Variants in LRP2 observed in about 807,000 individuals in gnomAD.
LRP2 encodes LDL receptor related protein 2.
In LRP2, 172 loss-of-function variants were observed where a neutral mutation model predicts 531.0. The ratio of observed to expected loss-of-function variants is 0.32; its 90% confidence interval spans 0.29 to 0.37. The LOEUF is 0.37. Ranked by LOEUF, LRP2 falls within the 10% of genes least tolerant of loss-of-function variation. The pLI is 1.00. For missense variants in LRP2, 5,167 were observed against 5,868.3 expected, an observed-to-expected ratio of 0.88 and a Z score of 3.90; for synonymous variants, 1,992 against 2,027.6, an observed-to-expected ratio of 0.98 and a Z score of 0.47.
At chr2:169,214,819 C>A (rs912300926) in intron 35 of LRP2, among the ~76,000 whole-genome samples, 3 of 152,172 alleles carry the variant, frequency 2.0e-5, no homozygotes, top group African/African-American at 7.2e-5. Context: ...TGAAAGCAGG[C>A]TTCACCACTG....
chr2:169,243,109 A>C, intron 23 of LRP2, 37 bp from the exon 24 acceptor site: 48 of 1,493,440 alleles, frequency 3.2e-5, no homozygotes, highest in African/African-American at 4.1e-5. Context: ...AAATTAGCTC[A>C]GGGCTAAAAT....
intron 54 of LRP2, 55 bp downstream of exon 54, chr2:169,176,356 C>A: frequency 6.2e-7 from 1 of 1,607,220 alleles, no homozygotes; most frequent in East Asian, 2.2e-5. Context: ...CCTTGAAGGT[C>A]AATGTCTGTC....
intron 71 of LRP2, among the ~76,000 whole-genome samples, chr2:169,141,183 G>A (rs982831460): frequency 6.6e-6 from 1 of 152,156 alleles, no homozygotes; most frequent in South Asian, 2.1e-4. Flanking sequence ...GGTTACATGT[G>A]TATATTATTT....
chr2:169,191,444 C>A (rs1687826054), intron 48 of LRP2, among the ~76,000 whole-genome samples: 1 of 152,170 alleles, frequency 6.6e-6, no homozygotes, highest in Admixed American at 6.5e-5. Context: ...TCTCCCTGGC[C>A]CTCTGTGCAA....
chr2:169,312,987 G>T (rs907045225), intron 3 of LRP2, among the ~76,000 whole-genome samples: 2 of 152,088 alleles, frequency 1.3e-5, no homozygotes, highest in African/African-American at 4.8e-5. Context: ...TATTCCAGTT[G>T]ATCGAAACGG....
Position 169,289,038 on chromosome 2 carries a change from G to A in LRP2, c.1030C>T (p.Arg344Cys), listed in dbSNP as rs780002886. The A allele has an allele frequency of 5.0e-6, 8 of 1,613,998 alleles. No homozygotes were observed. Among genetic ancestry groups the A allele is most frequent in the South Asian group, 2.2e-5 (2 of 91,074 alleles). Residue 344 changes from arginine to cysteine, a missense_variant, in exon 9 of 79, where the codon CGT becomes TGT. By Grantham distance (180) the Arg-to-Cys change is radical (BLOSUM62 -3). Around this residue, in one of 6 missense-constraint regions of LRP2, gnomAD observed 2,811 missense variants for 3,058.0 expected, o/e 0.92. Transcript: ENST00000649046. ...PGYIINHNDS[R>C]TCVEFDDCQI... The stretch of plus-strand genomic sequence containing the variant: ...CCCCATCACTTACCAACACAGGTAC[G>A]GCTGTCATTGTGGTTGATGATATAA...
At chr2:169,157,323 T>C in intron 64 of LRP2, 48 bp downstream of exon 64, 1 of 1,593,642 alleles carries the variant, frequency 6.3e-7, no homozygotes, top group Non-Finnish European at 8.6e-7. Context: ...GTGGAGAACC[T>C]TAGATGTAAA....
rs138382534 is a variant in LRP2 at position 169,201,780 on chromosome 2, C to T, written c.8300G>A (p.Gly2767Asp). 54 of 1,614,200 alleles carry T rather than the reference C, an allele frequency of 3.3e-5. No individual in the cohort carries two copies. The East Asian group carries it at 7.8e-4, about 23-fold the overall frequency. Residue 2767 changes from glycine to aspartate, a missense_variant, in exon 44 of 79, where the codon GGT becomes GAT. Coordinates refer to ENST00000649046, the MANE Select transcript of LRP2 (RefSeq NM_004525.3). ...GCACCCTGCCTCATCACTGCCATCA[C>T]CACAGTCATTGTAGTAATCACAGCG... ...SYRCDYYNDC[G>D]DGSDEAGCLF...
intron 13 of LRP2, among the ~76,000 whole-genome samples, chr2:169,276,676 A>G (rs1008398990): frequency 2.6e-5 from 4 of 152,188 alleles, no homozygotes; most frequent in Admixed American, 2.0e-4. Context: ...AGAGGAAACA[A>G]AACTATAATA....
chr2:169,164,704 T>C (rs1317542433), intron 62 of LRP2, among the ~76,000 whole-genome samples: 3 of 152,184 alleles, frequency 2.0e-5, no homozygotes, highest in African/African-American at 7.2e-5. Flanking sequence ...AAATGAACCT[T>C]TGCCATTTTA....
rs865907016 is a variant in LRP2, at chr2:169,161,119, G to A, written c.11887+1353C>T. Among the ~76,000 whole-genome samples the A allele has an allele frequency of 3.3e-5, 5 of 152,194 alleles. No individual in the cohort carries two copies. In the South Asian group the frequency reaches 6.2e-4, roughly 19 times the overall value. ...CCAAAGACTGGAGAGGTCAGTATGT[G>A]CCCAAAGTGGCACAGCTAGTGGCAG... On this transcript the variant is annotated intron_variant, in intron 63 of 78. Coordinates refer to ENST00000649046, the MANE Select transcript of LRP2 (RefSeq NM_004525.3).
rs1688613149 is a variant in LRP2 at position 169,212,058 on chromosome 2, A to T, written c.6190T>A (p.Phe2064Ile). The T allele has an allele frequency of 1.2e-6, 2 of 1,613,932 alleles. No homozygotes were observed. The highest frequency in any genetic ancestry group is 1.7e-6 in the Non-Finnish European group (2 of 1,179,948). Residue 2064 changes from phenylalanine to isoleucine, a missense_variant, in exon 37 of 79, where the codon TTC (phenylalanine) becomes ATC (isoleucine). By Grantham distance (21) the Phe-to-Ile change is conservative. This residue lies in a region of LRP2 where 2,811 missense variants were observed against 3,058.0 expected (regional missense o/e 0.92). Coordinates refer to ENST00000649046, the MANE Select transcript of LRP2 (RefSeq NM_004525.3). ...DNRSCSPYNS[F>I]IVVSMLSAIR... ...GCAGACAGCATTGAAACAACAATGA[A>T]AGAGTTATATGGAGAGCAGGACCGA...
At chr2:169,190,789 G>A (rs1687803053) in intron 48 of LRP2, among the ~76,000 whole-genome samples, 1 of 152,154 alleles carries the variant, frequency 6.6e-6, no homozygotes, top group Non-Finnish European at 1.5e-5. Flanking sequence ...CTTCCACCTT[G>A]AGCAAGCGCC....
intron 35 of LRP2, among the ~76,000 whole-genome samples, chr2:169,214,349 T>C (rs1034219433): frequency 9.2e-5 from 14 of 152,072 alleles, no homozygotes; most frequent in Admixed American, 7.9e-4. Flanking sequence ...TTTGAACAGA[T>C]AACAAGCTTT....
chr2:169,317,351 AC>A (rs1011239368), intron 3 of LRP2, among the ~76,000 whole-genome samples: 2 of 152,188 alleles, frequency 1.3e-5, no homozygotes, highest in African/African-American at 2.4e-5. Context: ...CTAAAGATGA[AC>A]AACCCATCAT....
At chr2:169,338,685 T>C (rs781648180) in intron 1 of LRP2, among the ~76,000 whole-genome samples, 11 of 152,176 alleles carry the variant, frequency 7.2e-5, no homozygotes, top group Non-Finnish European at 1.2e-4. Flanking sequence ...TGTCTAAAAG[T>C]CAACAGCTTT....
intron 65 of LRP2, among the ~76,000 whole-genome samples, chr2:169,155,796 T>C (rs1686307098): frequency 2.6e-5 from 4 of 152,170 alleles, no homozygotes; most frequent in Admixed American, 2.0e-4. Context: ...CCATGAACAA[T>C]ACAAAAGGGA....
At position 169,226,586 on chromosome 2, in the gene LRP2, C is replaced by A. The variant is rs1343699060; in HGVS notation, c.5230G>T (p.Asp1744Tyr). 2 of 1,608,528 alleles carry A rather than the reference C, an allele frequency of 1.2e-6. No homozygotes were observed. Among genetic ancestry groups the A allele is most frequent in the South Asian group, 2.2e-5 (2 of 90,930 alleles). Residue 1744 changes from aspartate (D) to tyrosine (Y), a missense_variant and splice_region_variant, in exon 32 of 79, where the codon GAT becomes TAT. Asp to Tyr is a radical substitution (Grantham distance 160). This residue lies in a region of LRP2 where 2,811 missense variants were observed against 3,058.0 expected (regional missense o/e 0.92). Coordinates refer to ENST00000649046, the MANE Select transcript of LRP2 (RefSeq NM_004525.3). ...SPDLLNCLRD[D>Y]QPFLITVRQH... The stretch of plus-strand genomic sequence containing the variant: ...CTTACAGTTATTAAGAAAGGTTGAT[C>A]ATCTGTGAAAATAGAAGAATATCAG...
chr2:169,328,232 G>A lies in LRP2; in HGVS notation c.80-7348C>T, dbSNP rs1392946004. On this transcript the variant is annotated intron_variant, in intron 1 of 78. Transcript: ENST00000649046. ...CCCGGCCAGCCGCCCCGTCCGGGAG[G>A]GAGGTGGGGGGGTCAGCGCCCCGCC... Among the ~76,000 whole-genome samples the A allele has an allele frequency of 4.9e-5, 6 of 122,610 alleles. 1 individual carries two copies. The highest frequency in any genetic ancestry group is 8.8e-5 in the African/African-American group (3 of 34,230). The allele number at this position is 122,610 out of a possible 152,430, so 80.4% of individuals were successfully genotyped here.
Sources: allele counts gnomAD v4.1 joint callset (sites outside exome capture counted in the v4.1 genomes callset), GRCh38; gene constraint gnomAD v4.1.1; regional missense constraint gnomAD v4.1.1; transcripts MANE v1.5; gene names NCBI Gene and HGNC (gene_info 2026-07-23, HGNC 2026-07-21).